Variants in ANKRD62 observed in about 807,000 individuals in gnomAD.
The protein encoded by ANKRD62 is ankyrin repeat domain-containing protein 62.
In ANKRD62, 61 loss-of-function variants were observed where a neutral mutation model predicts 98.8. The ratio of observed to expected loss-of-function variants is 0.62; its 90% CI spans 0.50 to 0.76. ANKRD62 has a LOEUF of 0.76. Ranked by LOEUF, ANKRD62 falls within the 30% of genes least tolerant of loss-of-function variation. ANKRD62 has a pLI of 0.00. For missense variants in ANKRD62, 933 were observed against 1,082.9 expected (o/e 0.86, Z 1.94); for synonymous variants, 341 against 367.9 (o/e 0.93, Z 0.84).
At chr18:12,171,067 C>T in the ANKRD62 span, among the ~76,000 whole-genome samples, 2,863 of 151,746 alleles carry the variant, frequency 0.019, 84 homozygotes, top group African/African-American at 0.065. Context: ...ATACAGCACA[C>T]TGATGGGTCT....
At chr18:12,118,155 GCGTGTCATAT>G (rs914588759) in intron 10 of ANKRD62, among the ~76,000 whole-genome samples, 2 of 152,296 alleles carry the variant, frequency 1.3e-5, no homozygotes, top group Middle Eastern at 3.4e-3. Flanking sequence ...TGACATGTAT[GCGTGTCATAT>G]ACATTATTTT....
chr18:12,097,535 T>C, intron 4 of ANKRD62, 105 bp from the exon 5 acceptor site: 1 of 1,240,050 alleles, frequency 8.1e-7, no homozygotes, highest in Non-Finnish European at 1.1e-6. Context: ...TGTAATTGGT[T>C]AATTCTACAT....
chr18:12,173,668 T>C, the ANKRD62 span, among the ~76,000 whole-genome samples: 1 of 152,256 alleles, frequency 6.6e-6, no homozygotes, highest in Non-Finnish European at 1.5e-5. Context: ...CAGGAGCTCT[T>C]GCAAGGCAGG....
Position 12,095,515 on chromosome 18 carries a change from G to C in ANKRD62, c.412G>C (p.Gly138Arg). 1.9e-6 allele frequency: 3 copies of C among 1,568,488 alleles called. No homozygotes were observed. Among genetic ancestry groups the C allele is most frequent in the Non-Finnish European group, 2.6e-6 (3 of 1,163,130 alleles). The change falls in exon 3 of 14, where the codon GGC becomes CGC. Residue 138 changes from glycine to arginine, a missense_variant. By Grantham distance (125) the Gly-to-Arg change is moderately radical (BLOSUM62 -2). Coordinates refer to ENST00000587848, the MANE Select transcript of ANKRD62 (RefSeq NM_001277333.2). ...GANPNVRDMY[G>R]NTALHYAIDN... ...CAACCCAAATGTTAGAGATATGTAT[G>C]GCAACACTGCTCTGCACTATGCCAT...
the ANKRD62 span, among the ~76,000 whole-genome samples, chr18:12,172,671 G>A: frequency 6.6e-6 from 1 of 150,954 alleles, no homozygotes; most frequent in Admixed American, 6.6e-5. Context: ...TTAAGTTTCT[G>A]CTGCCTTTTG....
chr18:12,125,037 A>C (rs984459409), intron 12 of ANKRD62, among the ~76,000 whole-genome samples: 2 of 152,196 alleles, frequency 1.3e-5, no homozygotes, highest in Non-Finnish European at 2.9e-5. Context: ...AATTTGGAAA[A>C]TTTTATCTGT....
the ANKRD62 span, among the ~76,000 whole-genome samples, chr18:12,140,475 G>A: frequency 6.6e-6 from 1 of 152,150 alleles, no homozygotes. Flanking sequence ...CATCTTTGTG[G>A]TTTTATCTAC....
the ANKRD62 span, among the ~76,000 whole-genome samples, chr18:12,141,520 C>G: frequency 6.6e-6 from 1 of 150,952 alleles, no homozygotes; most frequent in African/African-American, 2.4e-5. Context: ...TTTTTTTTTC[C>G]TATGGTGGCT....
At chr18:12,135,271 C>T in the ANKRD62 span, among the ~76,000 whole-genome samples, 1 of 146,812 alleles carries the variant, frequency 6.8e-6, no homozygotes, top group African/African-American at 2.6e-5. Context: ...CAATTCCCAC[C>T]TATGAGTGAG....
At chr18:12,177,755 G>A in the ANKRD62 span, among the ~76,000 whole-genome samples, 1 of 149,606 alleles carries the variant, frequency 6.7e-6, no homozygotes, top group African/African-American at 2.5e-5. Context: ...AGGCAGGAAT[G>A]TGCTTTCATG....
the ANKRD62 span, among the ~76,000 whole-genome samples, chr18:12,151,156 G>T: frequency 6.6e-6 from 1 of 152,152 alleles, no homozygotes; most frequent in African/African-American, 2.4e-5. Context: ...AGACAAAACA[G>T]ATTTCAAACC....
rs934786870 is a variant in ANKRD62 at position 12,128,503 on chromosome 18, A to G, written c.*564A>G. The G allele has an allele frequency of 6.6e-6, 1 of 152,254 alleles. No homozygotes were observed. 9.4% of individuals were successfully genotyped at this position (152,254 alleles called of 1,614,324 possible). A position where few individuals can be genotyped will look rare whatever the true frequency, so the allele number is the denominator to read the frequency against. On this transcript the variant is annotated 3_prime_UTR_variant, in exon 14 of 14. Transcript: ENST00000587848. ...TTAAAACAAAAACAAAAAACTTTAC[A>G]AATGGGGTTATAGAAGGTCAGCAAA...
At chr18:12,169,309 A>C in the ANKRD62 span, among the ~76,000 whole-genome samples, 78 of 152,320 alleles carry the variant, frequency 5.1e-4, no homozygotes, top group South Asian at 0.016. Context: ...ATGTGCCATC[A>C]ATACCTAGTT....
chr18:12,169,062 G>C, the ANKRD62 span, among the ~76,000 whole-genome samples: 1 of 152,018 alleles, frequency 6.6e-6, no homozygotes, highest in Non-Finnish European at 1.5e-5. Context: ...CTAAGTATAC[G>C]ATCATGTCAT....
chr18:12,159,172 T>C, the ANKRD62 span, among the ~76,000 whole-genome samples: 1 of 152,190 alleles, frequency 6.6e-6, no homozygotes, highest in Non-Finnish European at 1.5e-5. Flanking sequence ...AGTTAGACCC[T>C]GCTTTGAGGT....
At chr18:12,167,622 A>G in the ANKRD62 span, among the ~76,000 whole-genome samples, 1 of 152,192 alleles carries the variant, frequency 6.6e-6, no homozygotes, top group Non-Finnish European at 1.5e-5. Context: ...TTATAGGAAC[A>G]TGATTTATAA....
At chr18:12,163,580 A>G in the ANKRD62 span, among the ~76,000 whole-genome samples, 1 of 152,104 alleles carries the variant, frequency 6.6e-6, no homozygotes, top group Non-Finnish European at 1.5e-5. Context: ...CATCTCTGCC[A>G]TGTTCCACAT....
At chr18:12,131,736 A>T (rs1409713392), downstream of ANKRD62, among the ~76,000 whole-genome samples, 2 of 148,712 alleles carry the variant, frequency 1.3e-5, no homozygotes, top group South Asian at 2.1e-4. Flanking sequence ...TGTATGTGTG[A>T]GTGTGTGTGT....
chr18:12,139,300 T>C, the ANKRD62 span, among the ~76,000 whole-genome samples: 4 of 152,292 alleles, frequency 2.6e-5, no homozygotes, highest in East Asian at 7.7e-4. Flanking sequence ...CCTTCACTTA[T>C]GAAACTTAGT....
Sources: gnomAD v4.1 joint callset for allele counts (sites outside exome capture counted in the v4.1 genomes callset) on GRCh38, gnomAD v4.1.1 for gene constraint, MANE v1.5 for transcripts, NCBI Gene and HGNC (gene_info 2026-07-23, HGNC 2026-07-21) for gene names.